Variants in POLN observed in about 807,000 individuals in gnomAD.
The protein encoded by POLN is DNA polymerase nu.
In POLN, 108 loss-of-function variants were observed where a neutral mutation model predicts 113.5. The ratio of observed to expected loss-of-function variants is 0.95; its 90% CI spans 0.81 to 1.12. The LOEUF (loss-of-function observed/expected upper bound fraction) is 1.12, where lower values mean the gene tolerates loss of function less well. POLN is among the 50% of genes most tolerant of loss of function. The pLI is 0.00. For synonymous variants in POLN, 386 were observed against 391.5 expected (o/e 0.99, Z 0.17); for missense variants, 1,097 against 1,077.1 (o/e 1.02, Z -0.26).
At chr4:2,175,132 T>TA (rs1553797120) in intron 9 of POLN, among the ~76,000 whole-genome samples, 2 of 152,146 alleles carry the variant, frequency 1.3e-5, no homozygotes, top group Non-Finnish European at 2.9e-5. Flanking sequence ...CCAAAAAGCC[T>TA]AAATTTTGTC....
chr4:2,231,835 C>A, intron 2 of POLN: 1 of 632,490 alleles, frequency 1.6e-6, no homozygotes, highest in South Asian at 2.0e-5. Flanking sequence ...TTCCATTGAC[C>A]TCAAATTTTA....
At chr4:2,086,163 C>T (rs760406352) in intron 20 of POLN, among the ~76,000 whole-genome samples, 4 of 152,138 alleles carry the variant, frequency 2.6e-5, no homozygotes, top group Non-Finnish European at 4.4e-5. Context: ...GTTCTTGCGA[C>T]GCTGCTGGTA....
intron 11 of POLN, among the ~76,000 whole-genome samples, chr4:2,173,688 G>T (rs1457176245): frequency 1.3e-5 from 2 of 152,004 alleles, no homozygotes; most frequent in Non-Finnish European, 2.9e-5. Flanking sequence ...AACTACAGGG[G>T]ACAATGTCCC....
At chr4:2,173,754 C>T (rs371055465) in intron 11 of POLN, among the ~76,000 whole-genome samples, 2 of 152,248 alleles carry the variant, frequency 1.3e-5, no homozygotes, top group East Asian at 1.9e-4. Flanking sequence ...AAGAACTCCC[C>T]GGACACACAC....
At chr4:2,231,605 A>T (rs957595952) in intron 2 of POLN, 1 of 173,744 alleles carries the variant, frequency 5.8e-6, no homozygotes, top group Non-Finnish European at 1.2e-5. Context: ...CTCAAAAAAA[A>T]ATTTAACGGC....
intron 3 of POLN, among the ~76,000 whole-genome samples, chr4:2,217,231 T>C (rs766084054): frequency 2.6e-5 from 4 of 152,166 alleles, no homozygotes; most frequent in Non-Finnish European, 5.9e-5. Flanking sequence ...ACAAAGTAGA[T>C]AGTCAAGGGG....
intron 7 of POLN, among the ~76,000 whole-genome samples, chr4:2,185,084 A>C (rs1733237492): frequency 6.6e-6 from 1 of 152,236 alleles, no homozygotes; most frequent in African/African-American, 2.4e-5. Context: ...AGAAAGCATA[A>C]TAGATCTTAA....
At chr4:2,132,198 C>G (rs1731743807) in intron 16 of POLN, among the ~76,000 whole-genome samples, 2 of 151,924 alleles carry the variant, frequency 1.3e-5, no homozygotes, top group Non-Finnish European at 2.9e-5. Context: ...CATGATACCT[C>G]AAAAAATACC....
chr4:2,149,286 C>T (rs751391805), intron 16 of POLN, among the ~76,000 whole-genome samples: 2 of 134,092 alleles, frequency 1.5e-5, no homozygotes, highest in Non-Finnish European at 3.3e-5. Flanking sequence ...AGGAGTGAAA[C>T]CCTATCTCAA....
intron 7 of POLN, among the ~76,000 whole-genome samples, chr4:2,191,795 T>G (rs1388900922): frequency 1.3e-5 from 2 of 152,122 alleles, no homozygotes; most frequent in Non-Finnish European, 2.9e-5. Flanking sequence ...CTACAAAGGA[T>G]CCAGGAAGTG....
intron 5 of POLN, among the ~76,000 whole-genome samples, chr4:2,200,531 C>T (rs763259196): frequency 2.0e-5 from 3 of 152,204 alleles, no homozygotes; most frequent in Non-Finnish European, 4.4e-5. Context: ...AGACGGTTCA[C>T]ATCACAGGAC....
intron 19 of POLN, among the ~76,000 whole-genome samples, chr4:2,116,563 A>T (rs1022711564): frequency 6.7e-6 from 1 of 150,210 alleles, no homozygotes; most frequent in Non-Finnish European, 1.5e-5. Context: ...AAAAAAAAAA[A>T]CCCAAATCCA....
intron 2 of POLN, chr4:2,229,629 AACCTGGCC>A (rs1734505294): frequency 6.5e-6 from 1 of 153,700 alleles, no homozygotes; most frequent in African/African-American, 2.4e-5. Flanking sequence ...GTTCGAGACC[AACCTGGCC>A]AACATGATGA....
rs540200904 is a variant in POLN, at chr4:2,101,466, G to A, written c.1983-5533C>T. Among the ~76,000 whole-genome samples, 42 of 152,358 alleles carry A rather than the reference G, an allele frequency of 2.8e-4. No homozygotes were observed. In the South Asian group the frequency reaches 8.5e-3, roughly 31 times the overall value. On this transcript the variant is annotated intron_variant, in intron 19 of 25. Coordinates refer to ENST00000511885, the MANE Select transcript of POLN (RefSeq NM_181808.4). ...CATGGCCCGGACGGGCTGGGAACCA[G>A]AGTGACTCCCCAGTACCGGAGGGGG...
chr4:2,123,637 A>G (rs1027110261), intron 19 of POLN, among the ~76,000 whole-genome samples: 14 of 150,606 alleles, frequency 9.3e-5, no homozygotes, highest in East Asian at 3.9e-4. Flanking sequence ...AAAAAAAAAA[A>G]AAAAAAAAGA....
At chr4:2,157,067 C>T (rs1389749258) in intron 15 of POLN, among the ~76,000 whole-genome samples, 2 of 152,178 alleles carry the variant, frequency 1.3e-5, no homozygotes, top group Admixed American at 1.3e-4. Flanking sequence ...TCCCCCTAAC[C>T]CATGTAGGAA....
chr4:2,176,840 G>A (rs1224208592), intron 8 of POLN, among the ~76,000 whole-genome samples: 1 of 152,162 alleles, frequency 6.6e-6, no homozygotes, highest in Non-Finnish European at 1.5e-5. Context: ...CTGACAAAGA[G>A]GGAGATGGGA....
chr4:2,240,960 C>G, intron 2 of POLN: 1 of 1,573,256 alleles, frequency 6.4e-7, no homozygotes, highest in Non-Finnish European at 8.5e-7. Flanking sequence ...TTTAACTACC[C>G]CAATTTTGTT....
chr4:2,104,737 A>G (rs931808272), intron 19 of POLN, among the ~76,000 whole-genome samples: 3 of 152,232 alleles, frequency 2.0e-5, no homozygotes, highest in Non-Finnish European at 2.9e-5. Context: ...TGTCCCAGTC[A>G]GACCACGTGA....
Sources: allele counts gnomAD v4.1 joint callset (sites outside exome capture counted in the v4.1 genomes callset), GRCh38; gene constraint gnomAD v4.1.1; transcripts MANE v1.5; gene names NCBI Gene and HGNC (gene_info 2026-07-23, HGNC 2026-07-21).